EXT1: variants seen among roughly 807,000 people sequenced by gnomAD.
EXT1 encodes exostosin glycosyltransferase 1.
Under a neutral mutation model 82.5 loss-of-function variants are expected in EXT1, and 20 were observed. The observed-to-expected ratio is 0.24, with a 90% CI of 0.17 to 0.35. EXT1 has a LOEUF of 0.35. Among genes scored for constraint, EXT1 ranks in the 10% least tolerant of loss-of-function variants. The pLI, the probability that EXT1 is intolerant of heterozygous loss-of-function variation, is 1.00. For missense variants in EXT1, 757 were observed against 936.5 expected (o/e 0.81, Z 2.50); for synonymous variants, 348 against 350.8 (o/e 0.99, Z 0.09).
intron 1 of EXT1, among the ~76,000 whole-genome samples, chr8:117,857,443 A>G (rs532242354): frequency 1.3e-5 from 2 of 152,054 alleles, no homozygotes; most frequent in South Asian, 2.1e-4. Context: ...CTATAATCCT[A>G]TATCATCCTA....
At chr8:117,818,564 T>A (rs1375269158) in intron 6 of EXT1, 34 bp from the exon 7 acceptor site, 2 of 1,544,590 alleles carry the variant, frequency 1.3e-6, no homozygotes, top group Admixed American at 1.7e-5. Context: ...ATGGCTGGGG[T>A]AGGATGTATT....
intron 1 of EXT1, among the ~76,000 whole-genome samples, chr8:117,915,747 T>C (rs540832987): frequency 1.4e-4 from 21 of 152,080 alleles, no homozygotes; most frequent in Non-Finnish European, 2.8e-4. Context: ...TCCCAGCTAC[T>C]CAGGAGGCTG....
chr8:117,882,079 GTTTAA>G (rs777610673), intron 1 of EXT1, among the ~76,000 whole-genome samples: 7 of 152,224 alleles, frequency 4.6e-5, no homozygotes, highest in South Asian at 2.1e-4. Context: ...TTTTATTGTT[GTTTAA>G]TTTAATTTAT....
intron 1 of EXT1, among the ~76,000 whole-genome samples, chr8:117,969,880 G>T (rs1049334545): frequency 2.0e-5 from 3 of 152,162 alleles, no homozygotes; most frequent in Non-Finnish European, 4.4e-5. Context: ...TATATTGAAC[G>T]TAGGGTCACT....
chr8:118,010,785 T>C (rs1431075649), intron 1 of EXT1, among the ~76,000 whole-genome samples: 1 of 152,184 alleles, frequency 6.6e-6, no homozygotes, highest in Non-Finnish European at 1.5e-5. Context: ...AGGACTCTCT[T>C]GGCTCACATC....
intron 4 of EXT1, among the ~76,000 whole-genome samples, chr8:117,829,331 G>A (rs1373472696): frequency 3.9e-5 from 6 of 151,914 alleles, no homozygotes; most frequent in East Asian, 1.9e-4. Flanking sequence ...GAGGACGGGC[G>A]CCCATCTGCC....
At chr8:117,852,079 A>T (rs1401446036) in intron 1 of EXT1, among the ~76,000 whole-genome samples, 1 of 152,262 alleles carries the variant, frequency 6.6e-6, no homozygotes, top group African/African-American at 2.4e-5. Flanking sequence ...CTATGAAGTA[A>T]GTAGCATTAT....
At chr8:118,010,001 A>G (rs1815862481) in intron 1 of EXT1, among the ~76,000 whole-genome samples, 1 of 152,164 alleles carries the variant, frequency 6.6e-6, no homozygotes, top group Non-Finnish European at 1.5e-5. Flanking sequence ...CTAAAGAGCT[A>G]ATAAAACCAA....
chr8:118,057,515 G>T (rs781503605), intron 1 of EXT1, among the ~76,000 whole-genome samples: 3 of 151,964 alleles, frequency 2.0e-5, no homozygotes, highest in Non-Finnish European at 4.4e-5. Flanking sequence ...TGGCACTCCA[G>T]CATGGGCAAC....
At chr8:117,848,146 A>G (rs926120815) in intron 1 of EXT1, among the ~76,000 whole-genome samples, 7 of 152,322 alleles carry the variant, frequency 4.6e-5, no homozygotes, top group African/African-American at 1.7e-4. Flanking sequence ...TTGTCTATGG[A>G]AAGTTTAATC....
chr8:118,087,093 G>GAA (rs1817434606), intron 1 of EXT1, among the ~76,000 whole-genome samples: 2 of 152,152 alleles, frequency 1.3e-5, no homozygotes, highest in Non-Finnish European at 2.9e-5. Context: ...TTCAAGGCTC[G>GAA]TGCCCAGCGC....
intron 1 of EXT1, among the ~76,000 whole-genome samples, chr8:118,023,278 A>T (rs1336964793): frequency 1.3e-5 from 2 of 152,238 alleles, no homozygotes; most frequent in Non-Finnish European, 2.9e-5. Flanking sequence ...ATACAATAAC[A>T]TTACTAGGAT....
chr8:117,975,175 A>T (rs958280235), intron 1 of EXT1, among the ~76,000 whole-genome samples: 2 of 152,164 alleles, frequency 1.3e-5, no homozygotes, highest in Admixed American at 1.3e-4. Flanking sequence ...CTGAAGACAG[A>T]TTGTATTTCT....
At chr8:117,916,279 C>CCT (rs1424731846) in intron 1 of EXT1, among the ~76,000 whole-genome samples, 1 of 152,178 alleles carries the variant, frequency 6.6e-6, no homozygotes, top group Non-Finnish European at 1.5e-5. Flanking sequence ...AATGTTTCCT[C>CCT]CTCTCTTCTA....
intron 1 of EXT1, among the ~76,000 whole-genome samples, chr8:117,876,167 T>G (rs1274183550): frequency 6.6e-6 from 1 of 152,210 alleles, no homozygotes; most frequent in African/African-American, 2.4e-5. Flanking sequence ...AAATACTCTA[T>G]GTGGAAGTGT....
chr8:117,803,583 T>C (rs1563872651), intron 10 of EXT1, among the ~76,000 whole-genome samples: 1 of 152,174 alleles, frequency 6.6e-6, no homozygotes, highest in African/African-American at 2.4e-5. Context: ...GTGGACCTGA[T>C]ACCAAGATGG....
intron 1 of EXT1, among the ~76,000 whole-genome samples, chr8:117,852,585 G>A (rs988234712): frequency 6.6e-6 from 1 of 152,140 alleles, no homozygotes; most frequent in African/African-American, 2.4e-5. Context: ...TCCATCATGA[G>A]GCTTTGGTGC....
At chr8:117,978,467 G>C (rs1815114412) in intron 1 of EXT1, among the ~76,000 whole-genome samples, 1 of 151,748 alleles carries the variant, frequency 6.6e-6, no homozygotes. Flanking sequence ...CTATGTAAAA[G>C]TACTTCTTAT....
intron 1 of EXT1, among the ~76,000 whole-genome samples, chr8:117,851,148 CAA>C (rs1812445617): frequency 6.6e-6 from 1 of 152,014 alleles, no homozygotes; most frequent in Non-Finnish European, 1.5e-5. Flanking sequence ...TAAAATCAAA[CAA>C]ATGTTAACAG....
Sources: gnomAD v4.1 joint callset for allele counts (sites outside exome capture counted in the v4.1 genomes callset) on GRCh38, gnomAD v4.1.1 for gene constraint, MANE v1.5 for transcripts, NCBI Gene and HGNC (gene_info 2026-07-23, HGNC 2026-07-21) for gene names.